Variants in HOOK1 observed in about 807,000 individuals in gnomAD.
The protein encoded by HOOK1 is hook microtubule tethering protein 1, also known as protein Hook homolog 1.
In HOOK1, 60 loss-of-function variants were observed where a neutral mutation model predicts 112.8. That is an observed-to-expected ratio of 0.53 (90% CI 0.43 to 0.66). The LOEUF is 0.66. HOOK1 is among the 30% of genes least tolerant of loss of function. The pLI is 0.00. For synonymous variants in HOOK1, 294 were observed against 283.8 expected (o/e 1.04, Z -0.36); for missense variants, 770 against 856.0 (o/e 0.90, Z 1.25).
Position 59,817,807 on chromosome 1 carries a change from C to T in HOOK1, c.63+2627C>T, listed in dbSNP as rs553832819. Reference sequence around the variant, plus strand: ...GTCTCCCACCCTTATCCCACTGTAACCTGTTAACCTCTTTCTGTCTTATCT... The same window carrying T: ...GTCTCCCACCCTTATCCCACTGTAATCTGTTAACCTCTTTCTGTCTTATCT... On this transcript the variant is annotated intron_variant, in intron 1 of 21. Transcript: ENST00000371208. 2.0e-5 allele frequency among the ~76,000 whole-genome samples: 3 copies of T among 152,296 alleles called. No homozygotes were observed. The South Asian group carries it at 6.2e-4, about 32-fold the overall frequency.
At chr1:59,841,678 A>G (rs777191516) in intron 8 of HOOK1, among the ~76,000 whole-genome samples, 2 of 152,148 alleles carry the variant, frequency 1.3e-5, no homozygotes, top group Non-Finnish European at 1.5e-5. Flanking sequence ...AATACCTTGT[A>G]GGAAAAACAG....
chr1:59,819,292 G>A (rs1418415597), intron 1 of HOOK1, among the ~76,000 whole-genome samples: 1 of 151,718 alleles, frequency 6.6e-6, no homozygotes, highest in African/African-American at 2.4e-5. Flanking sequence ...TGGGATTACA[G>A]GCATGTGCCA....
At chr1:59,832,055 TTTG>T (rs1406634458) in intron 3 of HOOK1, 105 bp from the exon 4 acceptor site, 5 of 601,290 alleles carry the variant, frequency 8.3e-6, no homozygotes, top group Non-Finnish European at 1.5e-5. Context: ...TTATAATGTT[TTTG>T]TTGTTCTTTT....
intron 2 of HOOK1, 75 bp from the exon 3 acceptor site, chr1:59,828,705 C>T: frequency 8.1e-7 from 1 of 1,232,212 alleles, no homozygotes; most frequent in South Asian, 1.3e-5. Context: ...AAGTAACTTT[C>T]TCTGTTGGCT....
intron 5 of HOOK1, 94 bp downstream of exon 5, chr1:59,833,631 G>T (rs2098395590): frequency 1.9e-6 from 2 of 1,058,284 alleles, no homozygotes; most frequent in South Asian, 3.3e-5. Context: ...TTAAAGCTTG[G>T]CAGAAAGCAC....
chr1:59,847,605 T>C (rs529181631), intron 10 of HOOK1, among the ~76,000 whole-genome samples: 1 of 151,726 alleles, frequency 6.6e-6, no homozygotes, highest in Non-Finnish European at 1.5e-5. Context: ...TAACTTTTTT[T>C]GGGGGAGGAT....
intron 8 of HOOK1, among the ~76,000 whole-genome samples, chr1:59,842,690 TA>T (rs2098401621): frequency 6.6e-6 from 1 of 152,168 alleles, no homozygotes; most frequent in South Asian, 2.1e-4. Flanking sequence ...TTTTTCAAAC[TA>T]ATTCTTAATC....
In HOOK1 at chr1:59,828,814, C is replaced by T. The variant is rs776738026; in HGVS notation, c.184C>T (p.Arg62Ter). The T allele has an allele frequency of 6.8e-6, 11 of 1,612,432 alleles. No homozygotes were observed. Among genetic ancestry groups the T allele is most frequent in the South Asian group, 2.2e-5 (2 of 90,868 alleles). ...AAWFNESWLSRIKEDVGDNWR... is the reference protein window; with the variant it reads ...AAWFNESWLS ...TTGGTTTAACGAATCTTGGTTAAGC[C>T]GAATTAAAGAGGATGTTGGGGACAA... The change falls in exon 3 of 22, where the codon CGA (arginine) becomes TGA (stop). Residue 62 changes from arginine to a stop codon, truncating the protein, a stop_gained. Transcript: ENST00000371208. LOFTEE classifies it high-confidence loss of function.
intron 7 of HOOK1, among the ~76,000 whole-genome samples, chr1:59,839,637 A>G (rs2098399881): frequency 6.6e-6 from 1 of 152,194 alleles, no homozygotes; most frequent in South Asian, 2.1e-4. Context: ...ATCTGCAAAC[A>G]GAGACAATTT....
chr1:59,864,389 A>G (rs559864002), intron 16 of HOOK1, among the ~76,000 whole-genome samples: 4 of 151,870 alleles, frequency 2.6e-5, no homozygotes, highest in African/African-American at 9.6e-5. Context: ...AACATGAGGC[A>G]TTTTTCTTTC....
At chr1:59,821,175 G>A (rs2098385309) in intron 1 of HOOK1, among the ~76,000 whole-genome samples, 1 of 152,130 alleles carries the variant, frequency 6.6e-6, no homozygotes, top group African/African-American at 2.4e-5. Context: ...TAGCTCTGAT[G>A]TAATTTGCTT....
At chr1:59,835,506 T>G in intron 6 of HOOK1, 94 bp downstream of exon 6, 1 of 749,512 alleles carries the variant, frequency 1.3e-6, no homozygotes, top group Non-Finnish European at 2.2e-6. Flanking sequence ...AAAAACTTGC[T>G]CTTTGTTGTA....
chr1:59,840,202 T>C (rs1260532201), intron 7 of HOOK1, 106 bp from the exon 8 acceptor site: 1 of 555,018 alleles, frequency 1.8e-6, no homozygotes, highest in Non-Finnish European at 2.8e-6. Context: ...AAAAATAATT[T>C]CCCATATCAG....
chr1:59,839,258 G>T (rs918991200), intron 7 of HOOK1, among the ~76,000 whole-genome samples: 1 of 152,112 alleles, frequency 6.6e-6, no homozygotes, highest in African/African-American at 2.4e-5. Flanking sequence ...GCTTGATGGG[G>T]ATAGCTTTGA....
chr1:59,864,190 A>G (rs1643916088), intron 16 of HOOK1, among the ~76,000 whole-genome samples: 1 of 151,918 alleles, frequency 6.6e-6, no homozygotes, highest in South Asian at 2.1e-4. Flanking sequence ...AACTATAATA[A>G]AATTTTATTA....
At position 59,865,952 on chromosome 1, in the gene HOOK1, T is replaced by C. The variant is rs147474641; in HGVS notation, c.1825T>C (p.Tyr609His). 2 of 1,591,780 alleles carry C rather than the reference T, an allele frequency of 1.3e-6. No homozygotes were observed. Among genetic ancestry groups the C allele is most frequent in the African/African-American group, 2.7e-5 (2 of 73,944 alleles). ...AGCAATGGAGGAAAGATATAAAATGTACTTGGAGAAAGCCAGAAATGTGAG... is the reference window on the plus strand; with the variant it reads ...AGCAATGGAGGAAAGATATAAAATGCACTTGGAGAAAGCCAGAAATGTGAG... ...MKAMEERYKMYLEKARNVIKT... is the reference protein window; with the variant it reads ...MKAMEERYKMHLEKARNVIKT... Residue 609 changes from tyrosine (Y) to histidine (H), a missense_variant, in exon 19 of 22, where the codon TAC becomes CAC. This residue lies in a region of HOOK1 where 655 missense variants were observed against 725.9 expected (regional missense o/e 0.90). Coordinates refer to ENST00000371208, the MANE Select transcript of HOOK1 (RefSeq NM_015888.6).
chr1:59,868,231 T>A lies in HOOK1; in HGVS notation c.1846-19T>A, dbSNP rs1644000065. 7.9e-7 allele frequency: 1 copy of A among 1,261,826 alleles called. No homozygotes were observed. The highest frequency in any genetic ancestry group is 1.2e-6 in the Non-Finnish European group (1 of 866,568). 78.2% of individuals were successfully genotyped at this position (1,261,826 alleles called of 1,614,324 possible). On this transcript the variant is annotated intron_variant, in intron 19 of 21. Coordinates refer to ENST00000371208, the MANE Select transcript of HOOK1 (RefSeq NM_015888.6). ...ACTTTAAAATATAAAGTGAACATAG[T>A]ATTTTTTTCTTTAAACAGGTAATAA...
chr1:59,872,859 A>T lies in HOOK1; in HGVS notation c.2081A>T (p.Asp694Val). Residue 694 changes from aspartate to valine, a missense_variant, in exon 22 of 22, where the codon GAC becomes GTC. Asp to Val is a radical substitution (Grantham distance 152). Transcript: ENST00000371208. ...RLVSGGGACSDTGACTPARSF... is the reference protein window; with the variant it reads ...RLVSGGGACSVTGACTPARSF... ...GTGAGCGGCGGTGGTGCCTGCAGTG[A>T]CACTGGTGCGTGCACTCCTGCGCGG... The T allele has an allele frequency of 5.3e-6, 8 of 1,500,306 alleles. No homozygotes were observed. The highest frequency in any genetic ancestry group is 7.2e-6 in the Non-Finnish European group (8 of 1,113,078). The allele number at this position is 1,500,306 out of a possible 1,614,324, so 92.9% of individuals were successfully genotyped here.
chr1:59,860,843 G>A (rs186139089), intron 15 of HOOK1, among the ~76,000 whole-genome samples: 360 of 150,568 alleles, frequency 2.4e-3, no homozygotes, highest in African/African-American at 8.0e-3. Context: ...GCGCGATCTC[G>A]GCTCACTGCA....
Sources: gnomAD v4.1 joint callset for allele counts (sites outside exome capture counted in the v4.1 genomes callset) on GRCh38, gnomAD v4.1.1 for gene constraint, gnomAD v4.1.1 regional missense constraint, MANE v1.5 for transcripts, NCBI Gene and HGNC (gene_info 2026-07-23, HGNC 2026-07-21) for gene names.